Variants in ADGRV1 observed in about 807,000 individuals in gnomAD.
ADGRV1 encodes adhesion G protein-coupled receptor V1.
A neutral mutation model predicts 596.2 loss-of-function variants in ADGRV1; 359 were observed. The observed-to-expected ratio is 0.60, with a 90% CI of 0.55 to 0.66. ADGRV1 has a LOEUF of 0.66. Ranked by LOEUF, ADGRV1 falls within the 30% of genes least tolerant of loss-of-function variation. ADGRV1 has a pLI of 0.00. For synonymous variants in ADGRV1, 2,681 were observed against 2,679.2 expected (o/e 1.00, Z -0.02); for missense variants, 7,274 against 7,575.6 (o/e 0.96, Z 1.48).
intron 82 of ADGRV1, 25 bp downstream of exon 82, chr5:90,855,926 A>G (rs111863355): frequency 9.7e-6 from 15 of 1,548,366 alleles, no homozygotes; most frequent in African/African-American, 1.4e-5. Flanking sequence ...TTTTGAATCA[A>G]TGGTTATAAA....
At chr5:91,161,051 A>G (rs1796899555) in intron 89 of ADGRV1, among the ~76,000 whole-genome samples, 1 of 152,194 alleles carries the variant, frequency 6.6e-6, no homozygotes, top group Non-Finnish European at 1.5e-5. Flanking sequence ...GATTTAGAGT[A>G]GGCAGACACT....
chr5:91,163,994 C>A lies in ADGRV1; in HGVS notation c.*94C>A. 1 of 716,272 alleles carries A rather than the reference C, an allele frequency of 1.4e-6. No individual in the cohort carries two copies. The allele number at this position is 716,272 out of a possible 1,614,324, so 44.4% of individuals were successfully genotyped here. ...GTACATCCACCTGTGTAATAGGAAC[C>A]TGTGAATTGTACTGGATGATTAATA... is the stretch of plus-strand genomic sequence containing the variant. On this transcript the variant is annotated 3_prime_UTR_variant, in exon 90 of 90. Coordinates refer to ENST00000405460, the MANE Select transcript of ADGRV1 (RefSeq NM_032119.4).
chr5:90,563,377 G>A (rs1293295281), intron 1 of ADGRV1, among the ~76,000 whole-genome samples: 2 of 152,226 alleles, frequency 1.3e-5, no homozygotes, highest in Non-Finnish European at 2.9e-5. Context: ...CATAGTTATT[G>A]TTGCTGGTCT....
At chr5:90,999,060 C>T (rs1451586252) in intron 85 of ADGRV1, among the ~76,000 whole-genome samples, 1 of 151,908 alleles carries the variant, frequency 6.6e-6, no homozygotes, top group Non-Finnish European at 1.5e-5. Context: ...ATTGCTTGCT[C>T]ATGTTTTTCA....
chr5:90,565,758 T>C (rs1248844158), intron 1 of ADGRV1, among the ~76,000 whole-genome samples: 1 of 152,214 alleles, frequency 6.6e-6, no homozygotes, highest in Non-Finnish European at 1.5e-5. Flanking sequence ...TTTTGAAGAA[T>C]TTCCAGCTGT....
intron 83 of ADGRV1, among the ~76,000 whole-genome samples, chr5:90,918,334 G>A (rs1226667388): frequency 2.6e-5 from 4 of 152,138 alleles, no homozygotes; most frequent in African/African-American, 4.8e-5. Flanking sequence ...GCCCAGATCC[G>A]GAGAGAAATG....
intron 28 of ADGRV1, 117 bp from the exon 29 acceptor site, chr5:90,685,663 C>A: frequency 4.6e-6 from 2 of 436,998 alleles, no homozygotes; most frequent in Non-Finnish European, 7.9e-6. Context: ...GAGGGAAAAC[C>A]CCAAATGAGA....
At chr5:90,987,546 AC>A (rs1780598251) in intron 85 of ADGRV1, among the ~76,000 whole-genome samples, 1 of 152,072 alleles carries the variant, frequency 6.6e-6, no homozygotes, top group African/African-American at 2.4e-5. Context: ...TCCTTAATTC[AC>A]AAAGAATATT....
At chr5:91,082,040 A>G (rs964865707) in intron 86 of ADGRV1, among the ~76,000 whole-genome samples, 14 of 152,248 alleles carry the variant, frequency 9.2e-5, no homozygotes, top group African/African-American at 3.1e-4. Context: ...AATAGGCTTC[A>G]GTAAGGTGTT....
intron 70 of ADGRV1, 44 bp downstream of exon 70, chr5:90,791,390 C>T: frequency 7.3e-7 from 1 of 1,373,604 alleles, no homozygotes; most frequent in Non-Finnish European, 9.9e-7. Context: ...CAATAAAACC[C>T]TTTCAGGAGT....
chr5:90,906,048 T>G (rs1772293579), intron 83 of ADGRV1, among the ~76,000 whole-genome samples: 1 of 152,132 alleles, frequency 6.6e-6, no homozygotes, highest in Non-Finnish European at 1.5e-5. Flanking sequence ...TTACCTATAT[T>G]GAACCATTCT....
At chr5:90,906,859 T>G (rs1772371818) in intron 83 of ADGRV1, among the ~76,000 whole-genome samples, 1 of 152,160 alleles carries the variant, frequency 6.6e-6, no homozygotes, top group African/African-American at 2.4e-5. Context: ...TGTTTTAATG[T>G]AGGAAAAGGC....
intron 87 of ADGRV1, among the ~76,000 whole-genome samples, chr5:91,130,978 C>T (rs953886244): frequency 7.9e-5 from 12 of 152,234 alleles, no homozygotes; most frequent in African/African-American, 2.7e-4. Context: ...CATAGTATTC[C>T]GTGGTATATA....
intron 87 of ADGRV1, among the ~76,000 whole-genome samples, chr5:91,121,392 G>A (rs149623094): frequency 3.4e-4 from 51 of 152,234 alleles, no homozygotes; most frequent in African/African-American, 9.9e-4. Context: ...ACCAGAAGCC[G>A]TGCCAGGGGT....
intron 58 of ADGRV1, among the ~76,000 whole-genome samples, chr5:90,761,631 C>T (rs1396788511): frequency 6.6e-6 from 1 of 152,162 alleles, no homozygotes; most frequent in African/African-American, 2.4e-5. Flanking sequence ...GTCATAAACT[C>T]TAGTGTTTTA....
At chr5:91,074,490 T>A (rs1478759351) in intron 86 of ADGRV1, among the ~76,000 whole-genome samples, 1 of 152,234 alleles carries the variant, frequency 6.6e-6, no homozygotes, top group Non-Finnish European at 1.5e-5. Context: ...TCTGTGTTGC[T>A]GCAAAGGAGA....
At position 90,860,013 on chromosome 5, in the gene ADGRV1, C is replaced by T. The variant is rs145692982; in HGVS notation, c.17756-3744C>T. On this transcript the variant is annotated intron_variant, in intron 82 of 89. Coordinates refer to ENST00000405460, the MANE Select transcript of ADGRV1 (RefSeq NM_032119.4). ...GGCTGAGACAGGAGGATTGCTTGAG[C>T]TCAGGAGTTCAAGGCTGCAGTGAGC... Among the ~76,000 whole-genome samples, 117 of 151,886 alleles carry T rather than the reference C, an allele frequency of 7.7e-4. 2 individuals carry two copies. In the East Asian group the frequency reaches 0.016, roughly 21 times the overall value.
intron 83 of ADGRV1, among the ~76,000 whole-genome samples, chr5:90,940,153 G>A (rs1432560533): frequency 6.6e-6 from 1 of 152,202 alleles, no homozygotes; most frequent in African/African-American, 2.4e-5. Flanking sequence ...AAGAACTGCA[G>A]TTATTTCAGG....
intron 70 of ADGRV1, among the ~76,000 whole-genome samples, chr5:90,801,663 T>C (rs547901665): frequency 6.6e-6 from 1 of 152,204 alleles, no homozygotes; most frequent in South Asian, 2.1e-4. Context: ...AATTTGAGGA[T>C]GTGTTGTCTA....
Sources: allele counts gnomAD v4.1 joint callset (sites outside exome capture counted in the v4.1 genomes callset), GRCh38; gene constraint gnomAD v4.1.1; transcripts MANE v1.5; gene names NCBI Gene and HGNC (gene_info 2026-07-23, HGNC 2026-07-21).